Variants in ULK2 observed in about 807,000 individuals in gnomAD.
ULK2 encodes the protein unc-51 like autophagy activating kinase 2.
ULK2 carries 76 observed loss-of-function variants against 127.5 expected under a neutral mutation model. That is an observed-to-expected ratio of 0.60 (90% confidence interval 0.50 to 0.72). The LOEUF (loss-of-function observed/expected upper bound fraction) is 0.72, where lower values mean the gene tolerates loss of function less well. Among genes scored for constraint, ULK2 ranks in the 30% least tolerant of loss-of-function variants. The pLI is 0.00. For synonymous variants in ULK2, 452 were observed against 461.9 expected (o/e 0.98, Z 0.28); for missense variants, 1,144 against 1,295.9 (o/e 0.88, Z 1.80).
intron 10 of ULK2, among the ~76,000 whole-genome samples, chr17:19,832,218 G>A (rs1337862741): frequency 1.3e-5 from 2 of 149,256 alleles, no homozygotes; most frequent in African/African-American, 2.4e-5. Flanking sequence ...AAAACTAGTA[G>A]AAGGAAAGAA....
chr17:19,777,523 C>G (rs1216322853), intron 26 of ULK2, 58 bp downstream of exon 26: 2 of 1,542,518 alleles, frequency 1.3e-6, no homozygotes, highest in Non-Finnish European at 1.7e-6. Flanking sequence ...TTGTACTATG[C>G]TTGTGATAGA....
chr17:19,781,962 A>T lies in ULK2; in HGVS notation c.2566T>A (p.Ser856Thr). 6.2e-7 allele frequency: 1 copy of T among 1,614,244 alleles called. No individual in the cohort carries two copies. The change falls in exon 23 of 27, where the codon TCT becomes ACT. Residue 856 changes from serine (S) to threonine (T), a missense_variant. Physicochemically the swap from Ser to Thr is moderately conservative, Grantham distance 58. This residue lies in a region of ULK2 where 913 missense variants were observed against 970.5 expected (regional missense o/e 0.94). Transcript: ENST00000395544. ...TGGATCTGGTACAAGGACACAGCAGATGTGCACAGCTCAGGGTTTCCTCCC... is the reference window on the plus strand; with the variant it reads ...TGGATCTGGTACAAGGACACAGCAGTTGTGCACAGCTCAGGGTTTCCTCCC... ...MRGGNPELCT[S>T]AVSLYQIQES... is the part of the protein sequence containing the mutation.
At position 19,774,021 on chromosome 17, in the gene ULK2, A is replaced by G. The variant is rs907643967; in HGVS notation, c.*2328T>C. The G allele has an allele frequency of 1.4e-4, 4 of 28,904 alleles. No homozygotes were observed. Among genetic ancestry groups the G allele is most frequent in the African/African-American group, 2.6e-4 (4 of 15,534 alleles). The allele number at this position is 28,904 out of a possible 1,614,324, so 1.8% of individuals were successfully genotyped here. On this transcript the variant is annotated 3_prime_UTR_variant, in exon 27 of 27. Coordinates refer to ENST00000395544, the MANE Select transcript of ULK2 (RefSeq NM_014683.4). ...ATAGTCCAGTGGAGGGTATAGTTAA[A>G]GCAAACCCTTAGAGCAGGAATAGCT...
In ULK2 at chr17:19,816,771, G is replaced by T. The variant is rs752196516; in HGVS notation, c.1074C>A (p.His358Gln). Reference protein sequence around the residue: ...CDTDDFVLVPHNISSDHSCDM... With the variant: ...CDTDDFVLVPQNISSDHSCDM... The stretch of plus-strand genomic sequence containing the variant: ...CACATGAGTGGTCTGACGAGATGTT[G>T]TGTGGCACCAAAACAAAGTCATCCG... Residue 358 changes from histidine (H) to glutamine (Q), a missense_variant, in exon 13 of 27, where the codon CAC becomes CAA. His to Gln is a conservative substitution (Grantham distance 24). Transcript: ENST00000395544. The T allele has an allele frequency of 1.9e-6, 3 of 1,604,336 alleles. No homozygotes were observed. The highest frequency in any genetic ancestry group is 2.2e-5 in the South Asian group (2 of 89,098).
chr17:19,843,253 G>A (rs755632436), intron 7 of ULK2, 31 bp from the exon 8 acceptor site: 18 of 1,417,148 alleles, frequency 1.3e-5, no homozygotes, highest in South Asian at 1.1e-4. Flanking sequence ...GGGGCATGCC[G>A]TACGTTATTT....
intron 20 of ULK2, among the ~76,000 whole-genome samples, chr17:19,789,278 AAGTT>A (rs1438314795): frequency 6.6e-6 from 1 of 152,108 alleles, no homozygotes; most frequent in Non-Finnish European, 1.5e-5. Context: ...TTTTGATAAA[AAGTT>A]AGGGAAGAGA....
Position 19,782,114 on chromosome 17 carries a change from G to A in ULK2, c.2461-47C>T, listed in dbSNP as rs116084632. ...TTAGAAAATTTCAGATTAAAAATACGTACATACTCATTTCTGTACATAAAC... is the reference window on the plus strand; with the variant it reads ...TTAGAAAATTTCAGATTAAAAATACATACATACTCATTTCTGTACATAAAC... On this transcript the variant is annotated intron_variant, in intron 22 of 26. Transcript: ENST00000395544. 1,484 of 1,565,766 alleles carry A rather than the reference G, an allele frequency of 9.5e-4. 9 individuals carry two copies. The African/African-American group carries it at 0.018, about 19-fold the overall frequency.
rs374519260 is a variant in ULK2, at chr17:19,797,570, C to T, written c.1635G>A (p.Gln545=). The change falls in exon 18 of 27, where the codon CAG becomes CAA. Residue 545 remains glutamine, a synonymous_variant. Transcript: ENST00000395544. The part of the protein sequence containing the change: ...IYQNKQKLRK[Q]HSDPVCPSHT... ...GGGATGGGCACACGGGGTCAGAGTG[C>T]TGTTTTCTGAGCTTCTGCTTGTTCT... The T allele has an allele frequency of 2.5e-6, 4 of 1,613,710 alleles. No individual in the cohort carries two copies. Among genetic ancestry groups the T allele is most frequent in the South Asian group, 2.2e-5 (2 of 91,060 alleles).
rs2042035546 is a variant in ULK2, at chr17:19,852,339, G to C, written c.226-2565C>G. Among the ~76,000 whole-genome samples the C allele has an allele frequency of 2.0e-5, 3 of 150,360 alleles. 1 individual carries two copies. The South Asian group carries it at 6.3e-4, about 32-fold the overall frequency. ...GATCAAGACCATCGTGGCTAACGCGGTGAAACCCCATCTCTACTAAAAATA... is the reference window on the plus strand; with the variant it reads ...GATCAAGACCATCGTGGCTAACGCGCTGAAACCCCATCTCTACTAAAAATA... On this transcript the variant is annotated intron_variant, in intron 3 of 26. Transcript: ENST00000395544.
intron 10 of ULK2, among the ~76,000 whole-genome samples, chr17:19,837,467 C>T (rs1238350897): frequency 2.0e-5 from 3 of 152,004 alleles, no homozygotes; most frequent in Non-Finnish European, 2.9e-5. Flanking sequence ...CTGACAACTC[C>T]CCAATCTGTC....
chr17:19,787,788 C>T (rs1436510015), intron 20 of ULK2, among the ~76,000 whole-genome samples: 1 of 152,202 alleles, frequency 6.6e-6, no homozygotes, highest in Non-Finnish European at 1.5e-5. Context: ...GTTTTAACTT[C>T]ATATCACTGA....
chr17:19,821,826 A>T (rs1183603444), intron 12 of ULK2, among the ~76,000 whole-genome samples: 2 of 152,056 alleles, frequency 1.3e-5, no homozygotes, highest in African/African-American at 4.8e-5. Flanking sequence ...TGTAACCTCG[A>T]AGTCAGGGGC....
chr17:19,801,991 C>G lies in ULK2; in HGVS notation c.1296-69G>C, dbSNP rs185204749. 9 of 1,503,284 alleles carry G rather than the reference C, an allele frequency of 6.0e-6. No homozygotes were observed. The Admixed American group carries it at 1.9e-4, about 31-fold the overall frequency. The allele number at this position is 1,503,284 out of a possible 1,614,324, so 93.1% of individuals were successfully genotyped here. A position where few individuals can be genotyped will look rare whatever the true frequency, so the allele number is the denominator to read the frequency against. On this transcript the variant is annotated intron_variant, in intron 15 of 26. Coordinates refer to ENST00000395544, the MANE Select transcript of ULK2 (RefSeq NM_014683.4). ...CTTTTTATTCCTGCATTTTCTGAAA[C>G]TTCCTAACAATATGCCACGGAGTAG...
chr17:19,845,498 G>A (rs2041859464), intron 6 of ULK2, 121 bp from the exon 7 acceptor site: 1 of 689,504 alleles, frequency 1.5e-6, no homozygotes, highest in Non-Finnish European at 2.4e-6. Flanking sequence ...ACAGCTTATT[G>A]AATTAGACTG....
chr17:19,781,420 G>A (rs1349383824), intron 23 of ULK2, among the ~76,000 whole-genome samples: 1 of 151,680 alleles, frequency 6.6e-6, no homozygotes. Flanking sequence ...GCTAATTTTT[G>A]TATTTTTTGT....
At chr17:19,842,191 T>TGG (rs1491582797) in intron 8 of ULK2, among the ~76,000 whole-genome samples, 1 of 110,460 alleles carries the variant, frequency 9.1e-6, no homozygotes, top group African/African-American at 4.6e-5. Context: ...TTTCTTTTTC[T>TGG]TTTTTTTTTT....
chr17:19,814,114 G>A (rs1194380210), intron 13 of ULK2, among the ~76,000 whole-genome samples: 4 of 151,862 alleles, frequency 2.6e-5, no homozygotes, highest in Non-Finnish European at 5.9e-5. Context: ...TGTATTTCAA[G>A]CTGACATGAC....
intron 8 of ULK2, 73 bp downstream of exon 8, chr17:19,843,048 A>C: frequency 1.6e-6 from 2 of 1,250,006 alleles, no homozygotes; most frequent in Non-Finnish European, 2.3e-6. Context: ...AGTATTCTTC[A>C]TTTTACAAAT....
At chr17:19,823,799 A>AT (rs1431936508) in intron 12 of ULK2, among the ~76,000 whole-genome samples, 1 of 152,206 alleles carries the variant, frequency 6.6e-6, no homozygotes, top group Non-Finnish European at 1.5e-5. Flanking sequence ...AGAACATAAC[A>AT]TAAGTCTTAT....
Sources: gnomAD v4.1 joint callset for allele counts (sites outside exome capture counted in the v4.1 genomes callset) on GRCh38, gnomAD v4.1.1 for gene constraint, gnomAD v4.1.1 regional missense constraint, MANE v1.5 for transcripts, NCBI Gene and HGNC (gene_info 2026-07-23, HGNC 2026-07-21) for gene names.